The following KATNB1 variants were observed in gnomAD, a reference collection of about 807,000 sequenced individuals.
KATNB1 encodes katanin p80 WD40 repeat-containing subunit B1.
KATNB1 carries 38 observed loss-of-function variants against 82.3 expected under a neutral mutation model. The observed-to-expected ratio is 0.46, with a 90% CI of 0.36 to 0.61. The LOEUF is 0.61. Among genes scored for constraint, KATNB1 ranks in the 20% least tolerant of loss-of-function variants. The probability of loss-of-function intolerance (pLI) is 0.00; values close to 1 mark genes in which losing one functional copy is unlikely to be tolerated. For missense variants in KATNB1, 749 were observed against 915.7 expected (o/e 0.82, Z 2.35); for synonymous variants, 361 against 368.7 (o/e 0.98, Z 0.24).
At chr16:57,744,543 A>G (rs2049168632) in intron 4 of KATNB1, 32 bp downstream of exon 4, 1 of 1,523,898 alleles carries the variant, frequency 6.6e-7, no homozygotes, top group South Asian at 1.1e-5. Context: ...CTGTGCACGC[A>G]CACCTGCCTT....
intron 4 of KATNB1, among the ~76,000 whole-genome samples, chr16:57,747,118 G>C (rs1159510785): frequency 6.6e-6 from 1 of 152,188 alleles, no homozygotes; most frequent in Non-Finnish European, 1.5e-5. Context: ...CTGACCTCAG[G>C]TGATCCGCCC....
intron 19 of KATNB1, 100 bp downstream of exon 19, chr16:57,756,572 A>G: frequency 1.6e-6 from 2 of 1,248,212 alleles, no homozygotes; most frequent in East Asian, 2.3e-5. Flanking sequence ...CTGCTGGGAC[A>G]GAGTACAGAG....
Position 57,751,393 on chromosome 16 carries a change from C to A in KATNB1, c.432+91C>A. ...AGACCCCAGCAGGGGGTGGAGGGGACGGCTGTCCCACATGGGTGATAACAT... is the reference window on the plus strand; with the variant it reads ...AGACCCCAGCAGGGGGTGGAGGGGAAGGCTGTCCCACATGGGTGATAACAT... On this transcript the variant is annotated intron_variant, in intron 6 of 19. Coordinates refer to ENST00000379661, the MANE Select transcript of KATNB1 (RefSeq NM_005886.3). This position sits in a 1 kb window ranked among gnomAD's most constrained non-coding sequence, Gnocchi z 6.3. The A allele has an allele frequency of 7.7e-7, 1 of 1,298,426 alleles. No homozygotes were observed. Among genetic ancestry groups the A allele is most frequent in the Non-Finnish European group, 1.1e-6 (1 of 895,582 alleles). 80.4% of individuals were successfully genotyped at this position (1,298,426 alleles called of 1,614,324 possible). A position where few individuals can be genotyped will look rare whatever the true frequency, so the allele number is the denominator to read the frequency against.
intron 4 of KATNB1, among the ~76,000 whole-genome samples, chr16:57,748,799 G>A (rs980246450): frequency 6.6e-6 from 1 of 152,364 alleles, no homozygotes; most frequent in Non-Finnish European, 1.5e-5. Context: ...TCACAGGAGG[G>A]CGGCCGGTGC....
chr16:57,748,571 A>AGGG (rs2049200795), intron 4 of KATNB1, among the ~76,000 whole-genome samples: 2 of 151,872 alleles, frequency 1.3e-5, no homozygotes, highest in African/African-American at 4.8e-5. Flanking sequence ...GGAGGTGCTC[A>AGGG]GCTGGGAGGC....
chr16:57,750,811 C>T lies in KATNB1; in HGVS notation c.290-16C>T. The T allele has an allele frequency of 2.5e-6, 4 of 1,608,744 alleles. No individual in the cohort carries two copies. Among genetic ancestry groups the T allele is most frequent in the Non-Finnish European group, 3.4e-6 (4 of 1,175,042 alleles). On this transcript the variant is annotated splice_polypyrimidine_tract_variant and intron_variant, in intron 4 of 19. Transcript: ENST00000379661. ...ATTTGCCTCTTAGCCACTGTCTCTG[C>T]TTTCCTTCTTGTTAGTTCTTCGCAC... is the stretch of plus-strand genomic sequence containing the variant.
chr16:57,753,332 C>A, intron 11 of KATNB1, 57 bp from the exon 12 acceptor site: 1 of 1,582,794 alleles, frequency 6.3e-7, no homozygotes, highest in Non-Finnish European at 8.6e-7. Flanking sequence ...CCTCGGAGTT[C>A]CAGCCCTGGG....
chr16:57,745,488 G>A (rs535726972), intron 4 of KATNB1, among the ~76,000 whole-genome samples: 92 of 152,096 alleles, frequency 6.0e-4, no homozygotes, highest in African/African-American at 2.0e-3. Context: ...ACCTGAACCC[G>A]GGAGGTGGGG....
At chr16:57,746,249 G>A (rs1555581415) in intron 4 of KATNB1, among the ~76,000 whole-genome samples, 1 of 152,150 alleles carries the variant, frequency 6.6e-6, no homozygotes, top group Non-Finnish European at 1.5e-5. Context: ...CAGCTTTTCT[G>A]CCTTTTAGGT....
At chr16:57,740,106 A>G (rs1019871797) in intron 2 of KATNB1, among the ~76,000 whole-genome samples, 2 of 152,184 alleles carry the variant, frequency 1.3e-5, no homozygotes, top group African/African-American at 4.8e-5. Context: ...TGTGGCTGGA[A>G]TTCCTCAGGT....
At chr16:57,739,105 G>A (rs758784493) in intron 2 of KATNB1, among the ~76,000 whole-genome samples, 1 of 152,124 alleles carries the variant, frequency 6.6e-6, no homozygotes, top group Non-Finnish European at 1.5e-5. Context: ...GGGGCCGCAC[G>A]GACCTACTGA....
chr16:57,751,589 G>A lies in KATNB1; in HGVS notation c.433-52G>A. ...CCATAGGAGTGAGGAGGCAGGGAGA[G>A]GTCTGTTGGGCCCAGGATCCCAGGG... On this transcript the variant is annotated intron_variant, in intron 6 of 19. Coordinates refer to ENST00000379661, the MANE Select transcript of KATNB1 (RefSeq NM_005886.3). The surrounding 1 kb of genome is among the most constrained non-coding windows in gnomAD (Gnocchi z 6.3). The A allele has an allele frequency of 6.6e-7, 1 of 1,520,144 alleles. No homozygotes were observed. The highest frequency in any genetic ancestry group is 9.1e-7 in the Non-Finnish European group (1 of 1,101,698). The allele number at this position is 1,520,144 out of a possible 1,614,324, so 94.2% of individuals were successfully genotyped here. A position where few individuals can be genotyped will look rare whatever the true frequency, so the allele number is the denominator to read the frequency against.
intron 4 of KATNB1, among the ~76,000 whole-genome samples, chr16:57,750,027 C>G (rs937149221): frequency 1.3e-5 from 2 of 152,216 alleles, no homozygotes; most frequent in African/African-American, 2.4e-5. Context: ...CTAACAGCAT[C>G]CCTCATCCTC....
At chr16:57,745,169 C>T (rs1427187104) in intron 4 of KATNB1, among the ~76,000 whole-genome samples, 1 of 152,178 alleles carries the variant, frequency 6.6e-6, no homozygotes, top group Non-Finnish European at 1.5e-5. Context: ...CTGATCGCCT[C>T]CACCTTTCTA....
chr16:57,755,376 T>C lies in KATNB1; in HGVS notation c.1448T>C (p.Val483Ala), dbSNP rs61729337. The C allele has an allele frequency of 5.9e-3, 9,489 of 1,613,270 alleles. 492 individuals carry two copies. In the African/African-American group the frequency reaches 0.11, roughly 19 times the overall value. The change falls in exon 16 of 20, where the codon GTG (valine) becomes GCG (alanine). Residue 483 changes from valine (V) to alanine (A), a missense_variant. Around this residue, in one of 3 missense-constraint regions of KATNB1, gnomAD observed 407 missense variants for 434.7 expected, o/e 0.94. Transcript: ENST00000379661. Reference sequence around the variant, plus strand: ...AAGATCCCCCAGCAGGCCGAGCTGGTGGACGAGGATGCCATGTCACAGATC... The same window carrying C: ...AAGATCCCCCAGCAGGCCGAGCTGGCGGACGAGGATGCCATGTCACAGATC... ...AVKIPQQAEL[V>A]DEDAMSQIRK...
Position 57,751,621 on chromosome 16 carries a change from C to G in KATNB1, c.433-20C>G, listed in dbSNP as rs782442920. ...TGGGCCCAGGATCCCAGGGTGAGCT[C>G]ATGCCGTGTCCTCCCTCAGGGGCAC... On this transcript the variant is annotated intron_variant, in intron 6 of 19. Transcript: ENST00000379661. This position sits in a 1 kb window ranked among gnomAD's most constrained non-coding sequence, Gnocchi z 6.3. 6.2e-7 allele frequency: 1 copy of G among 1,608,054 alleles called. No homozygotes were observed. Among genetic ancestry groups the G allele is most frequent in the East Asian group, 2.2e-5 (1 of 44,858 alleles).
Position 57,751,320 on chromosome 16 carries a change from C to A in KATNB1, c.432+18C>A. On this transcript the variant is annotated intron_variant, in intron 6 of 19. Transcript: ENST00000379661. This position sits in a 1 kb window ranked among gnomAD's most constrained non-coding sequence, Gnocchi z 6.3. ...GATACAGGGTAAGGATGCGCTCTGTCGGTGACTCCATGAGCACCTTGCGGG... is the reference window on the plus strand; with the variant it reads ...GATACAGGGTAAGGATGCGCTCTGTAGGTGACTCCATGAGCACCTTGCGGG... 3 of 1,611,310 alleles carry A rather than the reference C, an allele frequency of 1.9e-6. No individual in the cohort carries two copies. Among genetic ancestry groups the A allele is most frequent in the Non-Finnish European group, 2.5e-6 (3 of 1,177,554 alleles).
chr16:57,744,584 C>G, intron 4 of KATNB1, 73 bp downstream of exon 4: 1 of 1,255,552 alleles, frequency 8.0e-7, no homozygotes, highest in Non-Finnish European at 1.2e-6. Flanking sequence ...GTACTGCTTC[C>G]TCCAGGAAGC....
chr16:57,741,886 G>A (rs2049146393), intron 3 of KATNB1, 69 bp downstream of exon 3: 1 of 1,516,138 alleles, frequency 6.6e-7, no homozygotes, highest in Admixed American at 1.9e-5. Context: ...GGGGTTGGAG[G>A]CTGAAGAGTG....
Sources: gnomAD v4.1 joint callset for allele counts (sites outside exome capture counted in the v4.1 genomes callset) on GRCh38, gnomAD v4.1.1 for gene constraint, gnomAD v4.1.1 regional missense constraint, Gnocchi (gnomAD v3.1) non-coding constraint, MANE v1.5 for transcripts, NCBI Gene and HGNC (gene_info 2026-07-23, HGNC 2026-07-21) for gene names.